The following DIP2B variants were observed in gnomAD, a reference collection of about 807,000 sequenced individuals.
The protein encoded by DIP2B is disco-interacting protein 2 homolog B.
Under a neutral mutation model 198.0 loss-of-function variants are expected in DIP2B, and 76 were observed. The ratio of observed to expected loss-of-function variants is 0.38; its 90% confidence interval spans 0.32 to 0.46. The LOEUF is 0.46. Among genes scored for constraint, DIP2B ranks in the 20% least tolerant of loss-of-function variants. The pLI is 0.99. For synonymous variants in DIP2B, 701 were observed against 739.1 expected, an observed-to-expected ratio of 0.95 and a Z score of 0.84; for missense variants, 1,559 against 1,978.4, an observed-to-expected ratio of 0.79 and a Z score of 4.02.
At chr12:50,618,758 A>T (rs1937748938) in intron 1 of DIP2B, among the ~76,000 whole-genome samples, 2 of 152,176 alleles carry the variant, frequency 1.3e-5, no homozygotes, top group South Asian at 4.1e-4. Context: ...GGCTGTTGTG[A>T]GGCTCTTGGA....
At chr12:50,615,244 C>T (rs925338832) in intron 1 of DIP2B, among the ~76,000 whole-genome samples, 6 of 151,988 alleles carry the variant, frequency 3.9e-5, no homozygotes, top group Admixed American at 6.6e-5. Context: ...ATTACTTTTC[C>T]GCACCCCCTC....
intron 1 of DIP2B, among the ~76,000 whole-genome samples, chr12:50,528,082 C>T (rs1483088075): frequency 6.6e-6 from 1 of 152,008 alleles, no homozygotes; most frequent in Non-Finnish European, 1.5e-5. Flanking sequence ...CATGCACCAC[C>T]ATGCCCAGCT....
chr12:50,688,910 C>A (rs1018477632), intron 12 of DIP2B, among the ~76,000 whole-genome samples: 1 of 152,122 alleles, frequency 6.6e-6, no homozygotes, highest in Non-Finnish European at 1.5e-5. Flanking sequence ...GAACTTCTAC[C>A]CTCTGTCTTT....
chr12:50,510,917 T>G (rs573169814), intron 1 of DIP2B, among the ~76,000 whole-genome samples: 1 of 151,950 alleles, frequency 6.6e-6, no homozygotes, highest in South Asian at 2.1e-4. Context: ...AGTGCTGGGA[T>G]TACAGGCATG....
intron 23 of DIP2B, among the ~76,000 whole-genome samples, chr12:50,717,359 C>CTTTTTT (rs137945712): frequency 2.1e-5 from 1 of 46,866 alleles, no homozygotes; most frequent in African/African-American, 8.0e-5. Flanking sequence ...CTCACTGCAG[C>CTTTTTT]TTTTTTTTTT....
chr12:50,513,936 C>T (rs549103077), intron 1 of DIP2B, among the ~76,000 whole-genome samples: 72 of 152,138 alleles, frequency 4.7e-4, no homozygotes, highest in Middle Eastern at 3.4e-3. Flanking sequence ...CACCAGCCTC[C>T]GTGAGTCCTC....
intron 1 of DIP2B, among the ~76,000 whole-genome samples, chr12:50,524,202 T>C (rs995315706): frequency 2.8e-4 from 42 of 152,220 alleles, no homozygotes; most frequent in African/African-American, 9.9e-4. Context: ...GCCGAGTCAC[T>C]GTTAATCATG....
At chr12:50,555,124 TC>T (rs1423045723) in intron 1 of DIP2B, among the ~76,000 whole-genome samples, 1 of 152,126 alleles carries the variant, frequency 6.6e-6, no homozygotes, top group Non-Finnish European at 1.5e-5. Context: ...CCTCAACTCT[TC>T]CTAGTGTCCC....
In DIP2B at chr12:50,634,657, T is replaced by C. The variant is rs1221379668; in HGVS notation, c.173-6067T>C. Among the ~76,000 whole-genome samples the C allele has an allele frequency of 4.6e-5, 7 of 152,190 alleles. No individual in the cohort carries two copies. In the East Asian group the frequency reaches 1.3e-3, roughly 29 times the overall value. On this transcript the variant is annotated intron_variant, in intron 2 of 37. Coordinates refer to ENST00000301180, the MANE Select transcript of DIP2B (RefSeq NM_173602.3). ...CTATAAATAGTCCCCACTTCCATTA[T>C]CTGAGTTGCATTTTAAAAGAGCTGT...
At chr12:50,716,882 C>T (rs1344174812) in intron 23 of DIP2B, among the ~76,000 whole-genome samples, 3 of 149,858 alleles carry the variant, frequency 2.0e-5, no homozygotes, top group East Asian at 2.0e-4. Flanking sequence ...TTTGAAGTGT[C>T]GAACCTATGG....
In DIP2B at chr12:50,640,847, G is replaced by C. The variant is rs201893754; in HGVS notation, c.296G>C (p.Arg99Pro). The C allele has an allele frequency of 6.2e-7, 1 of 1,613,390 alleles. No homozygotes were observed. Among genetic ancestry groups the C allele is most frequent in the East Asian group, 2.2e-5 (1 of 44,866 alleles). The change falls in exon 3 of 38, where the codon CGA (arginine) becomes CCA (proline). Residue 99 changes from arginine (R) to proline (P), a missense_variant. By Grantham distance (103) the Arg-to-Pro change is moderately radical (BLOSUM62 -2). Transcript: ENST00000301180. Reference protein sequence around the residue: ...RSGGARDERYRSDIHTEAVQA... With the variant: ...RSGGARDERYPSDIHTEAVQA... ...GGGGGAGCCAGGGATGAACGATATC[G>C]ATCAGGTGAGGAGAAGCTGCAGAAT...
intron 32 of DIP2B, 126 bp downstream of exon 32, chr12:50,732,662 G>A (rs1375158770): frequency 7.5e-6 from 9 of 1,207,034 alleles, no homozygotes; most frequent in Non-Finnish European, 1.0e-5. Flanking sequence ...TTGGAACTTC[G>A]GGCTTTTAAA....
intron 1 of DIP2B, among the ~76,000 whole-genome samples, chr12:50,553,476 G>T (rs189363958): frequency 4.6e-5 from 7 of 152,294 alleles, no homozygotes; most frequent in Admixed American, 1.3e-4. Context: ...ACAAGAGACA[G>T]CCTGTATGTT....
intron 9 of DIP2B, 73 bp downstream of exon 9, chr12:50,680,836 G>A: frequency 7.3e-7 from 1 of 1,369,698 alleles, no homozygotes; most frequent in South Asian, 1.3e-5. Flanking sequence ...CTAATATTCT[G>A]GAGTTTTCAT....
At position 50,732,236 on chromosome 12, in the gene DIP2B, C is replaced by G. The variant is rs544937253; in HGVS notation, c.3811-130C>G. On this transcript the variant is annotated intron_variant, in intron 31 of 37. Coordinates refer to ENST00000301180, the MANE Select transcript of DIP2B (RefSeq NM_173602.3). ...CTTCTTTTCTGAAAGCTGCTTTTTT[C>G]TCTGTGTGCCTGAGGTGAGAATACA... is the stretch of plus-strand genomic sequence containing the variant. 341 of 964,244 alleles carry G rather than the reference C, an allele frequency of 3.5e-4. 4 individuals carry two copies. The South Asian group carries it at 4.7e-3, about 13-fold the overall frequency. The allele number at this position is 964,244 out of a possible 1,614,324, so 59.7% of individuals were successfully genotyped here.
chr12:50,606,737 C>T (rs964012187), intron 1 of DIP2B, among the ~76,000 whole-genome samples: 31 of 151,774 alleles, frequency 2.0e-4, no homozygotes, highest in Admixed American at 2.6e-4. Context: ...TTCAAGCAAT[C>T]GTCCCACTTC....
intron 3 of DIP2B, chr12:50,654,978 C>A: frequency 2.2e-6 from 1 of 445,988 alleles, no homozygotes; most frequent in Non-Finnish European, 4.5e-6. Context: ...CAAGATGTGA[C>A]AAAATTTAAC....
At chr12:50,611,895 T>G (rs1959035301) in intron 1 of DIP2B, among the ~76,000 whole-genome samples, 1 of 151,088 alleles carries the variant, frequency 6.6e-6, no homozygotes, top group South Asian at 2.1e-4. Flanking sequence ...AGGTGCAAAG[T>G]AAGAAAAGAA....
At chr12:50,664,384 A>T (rs531721419) in intron 4 of DIP2B, among the ~76,000 whole-genome samples, 113 of 152,318 alleles carry the variant, frequency 7.4e-4, no homozygotes, top group African/African-American at 2.5e-3. Flanking sequence ...GAATTAGAAA[A>T]TTTAAATTCT....
Sources: gnomAD v4.1 joint callset for allele counts (sites outside exome capture counted in the v4.1 genomes callset) on GRCh38, gnomAD v4.1.1 for gene constraint, MANE v1.5 for transcripts, NCBI Gene and HGNC (gene_info 2026-07-23, HGNC 2026-07-21) for gene names.